Variants in CD36 observed in about 807,000 individuals in gnomAD.
CD36 encodes platelet glycoprotein 4.
Under a neutral mutation model 55.2 loss-of-function variants are expected in CD36, and 119 were observed. The ratio of observed to expected loss-of-function variants is 2.15; its 90% confidence interval spans 1.86 to 2.51. The LOEUF is 2.51. CD36 is among the 30% of genes most tolerant of loss of function. The pLI is 0.00. For synonymous variants in CD36, 186 were observed against 193.6 expected, an observed-to-expected ratio of 0.96 and a Z score of 0.33; for missense variants, 819 against 555.5, an observed-to-expected ratio of 1.47 and a Z score of -4.77.
rs1562809721 is a variant in CD36 at position 80,663,060 on chromosome 7, CT to C, written c.502del (p.Ser168LeufsTer8). On this transcript the variant is annotated frameshift_variant, in exon 6 of 15. Coordinates refer to ENST00000447544, the MANE Select transcript of CD36 (RefSeq NM_001001548.3). LOFTEE classifies it high-confidence loss of function. ...ILNSLINKSKSSMFQVRTLRE... is the reference protein window; with the variant it reads ...ILNSLINKSKXSMFQVRTLRE... Reference sequence around the variant, plus strand: ...AATTCACTTATTAACAAGTCAAAATCTTCTATGTTCCAAGTCAGAACTTTGA... The same window carrying C: ...AATTCACTTATTAACAAGTCAAAATCTCTATGTTCCAAGTCAGAACTTTGA... 1.9e-6 allele frequency: 3 copies of C among 1,613,118 alleles called. No homozygotes were observed. Among genetic ancestry groups the C allele is most frequent in the Non-Finnish European group, 1.7e-6 (2 of 1,179,254 alleles).
chr7:80,645,130 C>A (rs772279034), intron 1 of CD36, among the ~76,000 whole-genome samples: 39 of 151,592 alleles, frequency 2.6e-4, no homozygotes, highest in South Asian at 6.3e-4. Context: ...AAGCGATTCT[C>A]CTGCCTCAGC....
chr7:80,609,301 A>G (rs565803372), intron 1 of CD36, among the ~76,000 whole-genome samples: 2 of 152,172 alleles, frequency 1.3e-5, no homozygotes, highest in East Asian at 3.9e-4. Flanking sequence ...ATTATTTTGT[A>G]TGTTTCTTTA....
chr7:80,659,715 T>C (rs977680150), intron 4 of CD36, among the ~76,000 whole-genome samples: 7 of 152,158 alleles, frequency 4.6e-5, no homozygotes, highest in African/African-American at 1.4e-4. Context: ...ATTATGTTGC[T>C]ATTGTTTTAA....
chr7:80,658,705 A>C (rs1796282790), intron 4 of CD36, among the ~76,000 whole-genome samples: 1 of 152,076 alleles, frequency 6.6e-6, no homozygotes, highest in Admixed American at 6.6e-5. Flanking sequence ...CATGTTGCTC[A>C]TGCTGGCCTC....
intron 1 of CD36, among the ~76,000 whole-genome samples, chr7:80,632,906 C>T (rs1230671706): frequency 2.0e-5 from 3 of 151,782 alleles, no homozygotes; most frequent in African/African-American, 7.3e-5. Context: ...TTTCTTTCTG[C>T]CCGGTAAAAA....
intron 6 of CD36, among the ~76,000 whole-genome samples, chr7:80,663,477 T>C (rs906699972): frequency 3.9e-5 from 6 of 152,104 alleles, no homozygotes; most frequent in Non-Finnish European, 4.4e-5. Context: ...GCACTGTTTT[T>C]GGCTTTTATT....
Position 80,671,148 on chromosome 7 carries a change from C to G in CD36, c.990C>G (p.Ile330Met). The G allele has an allele frequency of 6.2e-7, 1 of 1,609,660 alleles. No individual in the cohort carries two copies. The highest frequency in any genetic ancestry group is 1.1e-5 in the South Asian group (1 of 90,984). ...GTACATCATATGGTGTGCTAGACATCAGCAAATGCAAAGAAGGTGAGTAAA... is the reference window on the plus strand; with the variant it reads ...GTACATCATATGGTGTGCTAGACATGAGCAAATGCAAAGAAGGTGAGTAAA... ...KNCTSYGVLD[I>M]SKCKEGRPVY... Residue 330 changes from isoleucine to methionine, a missense_variant, in exon 10 of 15, where the codon ATC becomes ATG. Coordinates refer to ENST00000447544, the MANE Select transcript of CD36 (RefSeq NM_001001548.3).
chr7:80,662,304 G>A (rs1383726033), intron 5 of CD36: 1 of 157,250 alleles, frequency 6.4e-6, no homozygotes, highest in Non-Finnish European at 1.4e-5. Context: ...TTTTCCTGAA[G>A]CTGAAATTGA....
At chr7:80,637,755 A>G (rs956834797), upstream of CD36, among the ~76,000 whole-genome samples, 1 of 152,050 alleles carries the variant, frequency 6.6e-6, no homozygotes, top group Non-Finnish European at 1.5e-5. Flanking sequence ...GAATGCATTT[A>G]TCCAGCTCTC....
At chr7:80,630,647 T>C (rs1448391652) in intron 1 of CD36, among the ~76,000 whole-genome samples, 1 of 152,052 alleles carries the variant, frequency 6.6e-6, no homozygotes, top group Non-Finnish European at 1.5e-5. Context: ...TCACCTCAAA[T>C]TTTTGTTCAC....
intron 1 of CD36, 34 bp downstream of exon 1, chr7:80,638,780 A>G (rs373889562): frequency 4.8e-4 from 73 of 152,088 alleles, no homozygotes; most frequent in African/African-American, 1.8e-3. Context: ...AATAAAAAAG[A>G]TTAAGGGATT....
chr7:80,625,257 A>G (rs1264921587), intron 1 of CD36, among the ~76,000 whole-genome samples: 1 of 152,184 alleles, frequency 6.6e-6, no homozygotes, highest in Non-Finnish European at 1.5e-5. Context: ...CTAAAATTTT[A>G]CAGATTACAG....
chr7:80,646,994 C>A, intron 3 of CD36, 134 bp downstream of exon 3: 2 of 896,254 alleles, frequency 2.2e-6, no homozygotes, highest in Non-Finnish European at 3.6e-6. Flanking sequence ...TAATTATGAA[C>A]CACTGCAACT....
intron 1 of CD36, among the ~76,000 whole-genome samples, chr7:80,602,623 A>C (rs1170330823): frequency 6.6e-6 from 1 of 152,126 alleles, no homozygotes; most frequent in Non-Finnish European, 1.5e-5. Context: ...ATAGGATGCT[A>C]TGGATTTCTA....
At chr7:80,620,003 G>A (rs6960369) in intron 1 of CD36, among the ~76,000 whole-genome samples, 22,264 of 152,148 alleles carry the variant, frequency 0.15, 2,479 homozygotes, top group East Asian at 0.34. Context: ...TTCTAATTGA[G>A]CAAAGAAAGT....
At chr7:80,619,689 T>C (rs1272030180) in intron 1 of CD36, among the ~76,000 whole-genome samples, 1 of 146,284 alleles carries the variant, frequency 6.8e-6, no homozygotes, top group Non-Finnish European at 1.5e-5. Flanking sequence ...TTTCCATGGA[T>C]AGTAATTCAT....
intron 1 of CD36, among the ~76,000 whole-genome samples, chr7:80,621,636 TA>T (rs1351240875): frequency 6.6e-6 from 1 of 152,224 alleles, no homozygotes; most frequent in Non-Finnish European, 1.5e-5. Context: ...AGGTCATTTA[TA>T]TTTTTTTAAA....
rs981441143 is a variant in CD36 at position 80,655,394 on chromosome 7, G to A, written c.121-1146G>A. Among the ~76,000 whole-genome samples the A allele has an allele frequency of 3.9e-5, 6 of 152,148 alleles. No homozygotes were observed. In the East Asian group the frequency reaches 1.2e-3, roughly 29 times the overall value. The stretch of plus-strand genomic sequence containing the variant: ...TACAGCTAATGAAGTTGACCCTAGG[G>A]AGGTTTGATGACTCTCCACCCAGTC... On this transcript the variant is annotated intron_variant, in intron 3 of 14. Transcript: ENST00000447544.
At chr7:80,661,321 CGT>C in intron 5 of CD36, 111 bp downstream of exon 5, 1 of 1,024,146 alleles carries the variant, frequency 9.8e-7, no homozygotes, top group Non-Finnish European at 1.5e-6. Context: ...TTTATCAAAA[CGT>C]ATTCCTATAT....
Sources: allele counts gnomAD v4.1 joint callset (sites outside exome capture counted in the v4.1 genomes callset), GRCh38; gene constraint gnomAD v4.1.1; transcripts MANE v1.5; gene names NCBI Gene and HGNC (gene_info 2026-07-23, HGNC 2026-07-21).